The following PPIP5K2 variants were observed in gnomAD, a reference collection of about 807,000 sequenced individuals.
PPIP5K2 encodes the protein inositol hexakisphosphate and diphosphoinositol-pentakisphosphate kinase 2.
PPIP5K2 carries 105 observed loss-of-function variants against 154.6 expected under a neutral mutation model. The ratio of observed to expected loss-of-function variants is 0.68; its 90% CI spans 0.58 to 0.80. The LOEUF is 0.80. Among genes scored for constraint, PPIP5K2 ranks in the 30% least tolerant of loss-of-function variants. PPIP5K2 has a pLI of 0.00. For missense variants in PPIP5K2, 992 were observed against 1,504.6 expected (o/e 0.66, Z 5.64); for synonymous variants, 480 against 490.3 (o/e 0.98, Z 0.28).
At chr5:103,178,455 C>G (rs2149729945) in intron 23 of PPIP5K2, among the ~76,000 whole-genome samples, 1 of 151,854 alleles carries the variant, frequency 6.6e-6, no homozygotes, top group South Asian at 2.1e-4. Flanking sequence ...CTCTATTTGT[C>G]TCTCTCTCTA....
chr5:103,146,702 G>A (rs189890719), intron 6 of PPIP5K2, 21 bp downstream of exon 6: 295 of 1,578,186 alleles, frequency 1.9e-4, no homozygotes, highest in Non-Finnish European at 2.4e-4. Flanking sequence ...TGTAACTTTT[G>A]TATGAATACT....
intron 30 of PPIP5K2, among the ~76,000 whole-genome samples, chr5:103,200,614 TTTTA>T (rs146954556): frequency 0.13 from 19,505 of 149,158 alleles, 2,908 homozygotes; most frequent in African/African-American, 0.37. Context: ...TGGTTTTTTA[TTTTA>T]TTTATTTATT....
In PPIP5K2 at chr5:103,206,413, G is replaced by A. The variant is rs1803515994; in HGVS notation, c.*4779G>A. ...TTAATATTAAGCCATCTACTTCAGTGTGATTGAGCCAACTTCTTTGATCAT... is the reference window on the plus strand; with the variant it reads ...TTAATATTAAGCCATCTACTTCAGTATGATTGAGCCAACTTCTTTGATCAT... On this transcript the variant is annotated 3_prime_UTR_variant, in exon 31 of 31. Transcript: ENST00000358359. The A allele has an allele frequency of 6.6e-6, 1 of 152,156 alleles. No homozygotes were observed. Among genetic ancestry groups the A allele is most frequent in the African/African-American group, 2.4e-5 (1 of 41,430 alleles). The allele number at this position is 152,156 out of a possible 1,614,324, so 9.4% of individuals were successfully genotyped here. A position where few individuals can be genotyped will look rare whatever the true frequency, so the allele number is the denominator to read the frequency against.
intron 5 of PPIP5K2, among the ~76,000 whole-genome samples, chr5:103,142,689 T>A (rs1334399743): frequency 6.7e-6 from 1 of 149,452 alleles, no homozygotes; most frequent in Admixed American, 6.7e-5. Flanking sequence ...GGCAGGAGAA[T>A]GGCATGAACC....
chr5:103,163,824 C>G (rs558730099), intron 17 of PPIP5K2, among the ~76,000 whole-genome samples: 1 of 151,934 alleles, frequency 6.6e-6, no homozygotes, highest in African/African-American at 2.4e-5. Context: ...CATGTATGAT[C>G]TTTTTCTTTC....
chr5:103,122,209 T>G (rs1788888659), intron 1 of PPIP5K2, among the ~76,000 whole-genome samples: 1 of 152,178 alleles, frequency 6.6e-6, no homozygotes, highest in Non-Finnish European at 1.5e-5. Flanking sequence ...TATTTGAAAT[T>G]TTTCATAATA....
rs1261785438 is a variant in PPIP5K2 at position 103,201,575 on chromosome 5, AAT to A, written c.3677_3678del (p.Ile1226AsnfsTer2). The A allele has an allele frequency of 6.2e-7, 1 of 1,611,498 alleles. No individual in the cohort carries two copies. Among genetic ancestry groups the A allele is most frequent in the Admixed American group, 1.7e-5 (1 of 59,568 alleles). On this transcript the variant is annotated frameshift_variant, in exon 31 of 31. Coordinates refer to ENST00000358359, the MANE Select transcript of PPIP5K2 (RefSeq NM_001276277.3). LOFTEE classifies it high-confidence loss of function. Reference sequence around the variant, plus strand: ...TCCTAATACCTCATCTCGGAAAAAGAATATAACTAGCAAAACAGAAACGCATG... The same window carrying A: ...TCCTAATACCTCATCTCGGAAAAAGAATAACTAGCAAAACAGAAACGCATG... ...VVPNTSSRKK[N>X]ITSKTETHEH... is the part of the protein sequence containing the mutation.
rs1232865725 is a variant in PPIP5K2, at chr5:103,210,404, G to A, written c.*8770G>A. 1 of 152,012 alleles carries A rather than the reference G, an allele frequency of 6.6e-6. No individual in the cohort carries two copies. The highest frequency in any genetic ancestry group is 2.4e-5 in the African/African-American group (1 of 41,398). 9.4% of individuals were successfully genotyped at this position (152,012 alleles called of 1,614,324 possible). A position where few individuals can be genotyped will look rare whatever the true frequency, so the allele number is the denominator to read the frequency against. On this transcript the variant is annotated 3_prime_UTR_variant, in exon 31 of 31. Coordinates refer to ENST00000358359, the MANE Select transcript of PPIP5K2 (RefSeq NM_001276277.3). ...GAAAATATTTATATTTAACCATGAG[G>A]TTATGATGATTTTTTCTCTACACTT...
chr5:103,166,865 A>G (rs1278148797), intron 17 of PPIP5K2, among the ~76,000 whole-genome samples: 5 of 151,968 alleles, frequency 3.3e-5, no homozygotes, highest in Admixed American at 1.3e-4. Flanking sequence ...TTATTTTCAC[A>G]TTGAGTAGGC....
rs1554201863 is a variant in PPIP5K2, at chr5:103,129,558, T to C, written c.-32T>C. The C allele has an allele frequency of 6.6e-7, 1 of 1,515,216 alleles. No homozygotes were observed. The allele number at this position is 1,515,216 out of a possible 1,614,324, so 93.9% of individuals were successfully genotyped here. ...TTAGAGGCAGTTTTAATATAAATCA[T>C]TTCAATTATATCTACATCAAATAAA... On this transcript the variant is annotated 5_prime_UTR_variant, in exon 2 of 31. Coordinates refer to ENST00000358359, the MANE Select transcript of PPIP5K2 (RefSeq NM_001276277.3).
At chr5:103,152,567 T>A in intron 9 of PPIP5K2, 81 bp from the exon 10 acceptor site, 1 of 793,288 alleles carries the variant, frequency 1.3e-6, no homozygotes, top group Non-Finnish European at 2.1e-6. Flanking sequence ...TTAACTCTTA[T>A]GATTCTCTCT....
intron 28 of PPIP5K2, chr5:103,188,602 A>G (rs1211266013): frequency 6.6e-6 from 1 of 152,116 alleles, no homozygotes; most frequent in Admixed American, 6.6e-5. Flanking sequence ...TGCAGCTTCT[A>G]AAGAAACCGC....
chr5:103,158,747 C>A (rs1433191469), intron 16 of PPIP5K2, among the ~76,000 whole-genome samples, 174 bp downstream of exon 16: 2 of 151,744 alleles, frequency 1.3e-5, no homozygotes, highest in African/African-American at 2.4e-5. Context: ...CATGACGAAA[C>A]CTGTCTCTGC....
chr5:103,129,333 A>G lies in PPIP5K2; in HGVS notation c.-257A>G, dbSNP rs1005609469. On this transcript the variant is annotated 5_prime_UTR_variant, in exon 2 of 31. Transcript: ENST00000358359. Reference sequence around the variant, plus strand: ...AAGAAGATTGCTGTATCAACTCAAGAAAGCAGTAACTTCACTGTCTTTGTA... The same window carrying G: ...AAGAAGATTGCTGTATCAACTCAAGGAAGCAGTAACTTCACTGTCTTTGTA... The G allele has an allele frequency of 2.6e-5, 6 of 233,682 alleles. No homozygotes were observed. The highest frequency in any genetic ancestry group is 1.4e-4 in the African/African-American group (6 of 44,378). The allele number at this position is 233,682 out of a possible 1,614,324, so 14.5% of individuals were successfully genotyped here. A position where few individuals can be genotyped will look rare whatever the true frequency, so the allele number is the denominator to read the frequency against.
chr5:103,143,586 A>G (rs1159324613), intron 5 of PPIP5K2, among the ~76,000 whole-genome samples: 1 of 152,234 alleles, frequency 6.6e-6, no homozygotes, highest in Non-Finnish European at 1.5e-5. Context: ...GTCTTTACCT[A>G]TCAGTAATAA....
chr5:103,159,229 T>C lies in PPIP5K2; in HGVS notation c.1821T>C (p.Ser607=). Residue 607 remains serine (S), a synonymous_variant, in exon 17 of 31, where the codon AGT becomes AGC. Coordinates refer to ENST00000358359, the MANE Select transcript of PPIP5K2 (RefSeq NM_001276277.3). ...CAAATATGAACGGTCTTTTGGATAG[T>C]GATAGTGACTCTCTGAGCAGTTGTC... ...KSANMNGLLD[S]DSDSLSSCQQ... The C allele has an allele frequency of 6.2e-7, 1 of 1,612,538 alleles. No homozygotes were observed. Among genetic ancestry groups the C allele is most frequent in the Non-Finnish European group, 8.5e-7 (1 of 1,178,690 alleles).
chr5:103,154,548 T>A, intron 11 of PPIP5K2, 122 bp from the exon 12 acceptor site: 1 of 606,818 alleles, frequency 1.6e-6, no homozygotes, highest in Non-Finnish European at 2.8e-6. Context: ...AACACAGTAC[T>A]TGAAATCCTT....
chr5:103,195,906 G>A (rs1471291722), intron 30 of PPIP5K2, among the ~76,000 whole-genome samples: 16 of 152,110 alleles, frequency 1.1e-4, no homozygotes, highest in African/African-American at 3.9e-4. Flanking sequence ...TAAAATCTCA[G>A]TTCTGCTACT....
intron 8 of PPIP5K2, among the ~76,000 whole-genome samples, 168 bp downstream of exon 8, chr5:103,149,481 CT>C (rs1794267952): frequency 1.3e-5 from 2 of 151,874 alleles, no homozygotes; most frequent in African/African-American, 4.8e-5. Context: ...CCAATATATT[CT>C]TTTGTATTAT....
Sources: gnomAD v4.1 joint callset for allele counts (sites outside exome capture counted in the v4.1 genomes callset) on GRCh38, gnomAD v4.1.1 for gene constraint, MANE v1.5 for transcripts, NCBI Gene and HGNC (gene_info 2026-07-23, HGNC 2026-07-21) for gene names.